CSMD1: variants seen among roughly 807,000 people sequenced by gnomAD.
CSMD1 encodes the protein CUB and sushi domain-containing protein 1.
In CSMD1, 213 loss-of-function variants were observed where a neutral mutation model predicts 417.5. The observed-to-expected ratio is 0.51, with a 90% CI of 0.46 to 0.57. The LOEUF (loss-of-function observed/expected upper bound fraction) is 0.57, where lower values mean the gene tolerates loss of function less well. CSMD1 is among the 20% of genes least tolerant of loss of function. The pLI is 0.00. For synonymous variants in CSMD1, 2,862 were observed against 1,736.8 expected, an observed-to-expected ratio of 1.65 and a Z score of -16.11; for missense variants, 6,923 against 4,529.7, an observed-to-expected ratio of 1.53 and a Z score of -15.17.
At chr8:4,193,839 G>T (rs1392053445) in intron 3 of CSMD1, among the ~76,000 whole-genome samples, 1 of 151,994 alleles carries the variant, frequency 6.6e-6, no homozygotes, top group African/African-American at 2.4e-5. Context: ...CAGTTCAGCC[G>T]TGTTTCCCAT....
At position 4,269,987 on chromosome 8, in the gene CSMD1, G is replaced by C. The variant is rs58067552; in HGVS notation, c.415+149966C>G. 3.8e-4 allele frequency among the ~76,000 whole-genome samples: 58 copies of C among 152,316 alleles called. No individual in the cohort carries two copies. In the East Asian group the frequency reaches 9.2e-3, roughly 24 times the overall value. On this transcript the variant is annotated intron_variant, in intron 3 of 69. Transcript: ENST00000635120. The stretch of plus-strand genomic sequence containing the variant: ...GAGGCACAGCAAAATGTTGACCTGA[G>C]CTTGGGGCCATATATAAGATGAGCT...
intron 5 of CSMD1, among the ~76,000 whole-genome samples, chr8:3,876,884 G>C (rs947130801): frequency 1.1e-4 from 17 of 152,220 alleles, no homozygotes; most frequent in African/African-American, 4.8e-5. Context: ...AATCATGCGT[G>C]GGATTACAGG....
chr8:4,708,710 C>T (rs1274505292), intron 1 of CSMD1, among the ~76,000 whole-genome samples: 3 of 152,012 alleles, frequency 2.0e-5, no homozygotes, highest in Admixed American at 1.3e-4. Context: ...CCAACTGTGG[C>T]GGTGGAATTG....
chr8:4,717,557 T>G (rs1808757430), intron 1 of CSMD1, among the ~76,000 whole-genome samples: 1 of 132,654 alleles, frequency 7.5e-6, no homozygotes, highest in Admixed American at 7.2e-5. Flanking sequence ...TACCTATCTA[T>G]CTATCTATCC....
chr8:4,118,404 A>C (rs938254389), intron 3 of CSMD1, among the ~76,000 whole-genome samples: 1 of 94,694 alleles, frequency 1.1e-5, no homozygotes, highest in East Asian at 4.0e-4. Context: ...GAAATTTACA[A>C]AAAAAAAAAA....
chr8:4,444,613 T>TA (rs775298455), intron 2 of CSMD1, among the ~76,000 whole-genome samples: 3 of 152,088 alleles, frequency 2.0e-5, no homozygotes, highest in Non-Finnish European at 2.9e-5. Context: ...GCACAAGGGA[T>TA]AGATGCCATC....
chr8:4,297,184 T>G (rs78457288), intron 3 of CSMD1, among the ~76,000 whole-genome samples: 4,168 of 152,182 alleles, frequency 0.027, 189 homozygotes, highest in African/African-American at 0.096. Context: ...TTTTACAATC[T>G]AGAAATGTAT....
chr8:4,727,929 A>ATATATATACACAAAATATATATATG (rs1563232839), intron 1 of CSMD1, among the ~76,000 whole-genome samples: 1 of 136,324 alleles, frequency 7.3e-6, no homozygotes, highest in Non-Finnish European at 1.6e-5. Context: ...TACATCTAAT[A>ATATATATACACAAAATATATATATG]TATATATATA....
At chr8:3,702,235 A>G (rs1481913131) in intron 7 of CSMD1, 1 of 152,192 alleles carries the variant, frequency 6.6e-6, no homozygotes, top group Admixed American at 6.5e-5. Context: ...TGTAACTGCA[A>G]ATGCTCCTCC....
chr8:4,037,172 A>G (rs987975924), intron 3 of CSMD1, among the ~76,000 whole-genome samples: 23 of 152,246 alleles, frequency 1.5e-4, no homozygotes, highest in African/African-American at 5.1e-4. Context: ...TCAGTGTTCA[A>G]TATTAGAAGT....
intron 57 of CSMD1, 93 bp from the exon 58 acceptor site, chr8:2,966,839 C>G: frequency 8.7e-7 from 1 of 1,148,556 alleles, no homozygotes; most frequent in South Asian, 1.5e-5. Context: ...GTGCAATAGA[C>G]TACACATTTA....
chr8:3,312,876 T>A (rs555640370), intron 23 of CSMD1, among the ~76,000 whole-genome samples: 9 of 152,340 alleles, frequency 5.9e-5, no homozygotes, highest in African/African-American at 1.9e-4. Flanking sequence ...TTCGTTAGGA[T>A]ACAGCCTAGC....
At chr8:3,135,873 G>A (rs1048708573) in intron 41 of CSMD1, among the ~76,000 whole-genome samples, 9 of 152,130 alleles carry the variant, frequency 5.9e-5, no homozygotes, top group African/African-American at 2.2e-4. Context: ...AGCAGGGTAT[G>A]GTTAGATTGG....
chr8:3,732,352 T>C (rs546139543), intron 6 of CSMD1, among the ~76,000 whole-genome samples: 5 of 152,226 alleles, frequency 3.3e-5, no homozygotes, highest in Non-Finnish European at 5.9e-5. Flanking sequence ...AGCCTCACCA[T>C]AGTAAACCAA....
intron 6 of CSMD1, among the ~76,000 whole-genome samples, chr8:3,746,007 G>A (rs1797049498): frequency 6.6e-6 from 1 of 152,296 alleles, no homozygotes; most frequent in South Asian, 2.1e-4. Flanking sequence ...TTCCTCACAT[G>A]TACAGTAGAC....
At chr8:4,566,560 G>A (rs959553641) in intron 2 of CSMD1, among the ~76,000 whole-genome samples, 1 of 149,052 alleles carries the variant, frequency 6.7e-6, no homozygotes, top group Non-Finnish European at 1.5e-5. Flanking sequence ...GGCTGAGGCA[G>A]GAGAGTGGCG....
At chr8:3,112,203 G>C (rs1416627758) in intron 42 of CSMD1, among the ~76,000 whole-genome samples, 1 of 152,090 alleles carries the variant, frequency 6.6e-6, no homozygotes, top group East Asian at 1.9e-4. Flanking sequence ...ATAAATTGGT[G>C]AATTAGAGAA....
At chr8:4,011,562 A>G (rs921382483) in intron 4 of CSMD1, among the ~76,000 whole-genome samples, 1 of 152,142 alleles carries the variant, frequency 6.6e-6, no homozygotes, top group African/African-American at 2.4e-5. Context: ...ACAGCCAGAA[A>G]TCCAAGAGTC....
chr8:4,520,500 T>C (rs950977906), intron 2 of CSMD1, among the ~76,000 whole-genome samples: 4 of 152,128 alleles, frequency 2.6e-5, no homozygotes, highest in African/African-American at 7.2e-5. Flanking sequence ...CACACAGTAC[T>C]AAAGCAGAGA....
Sources: gnomAD v4.1 joint callset for allele counts (sites outside exome capture counted in the v4.1 genomes callset) on GRCh38, gnomAD v4.1.1 for gene constraint, MANE v1.5 for transcripts, NCBI Gene and HGNC (gene_info 2026-07-23, HGNC 2026-07-21) for gene names.